The following MGAT3 variants were observed in gnomAD, a reference collection of about 807,000 sequenced individuals.
The protein encoded by MGAT3 is beta-1,4-mannosyl-glycoprotein 4-beta-N-acetylglucosaminyltransferase, also known as GlcNAc-T III.
Under a neutral mutation model 29.8 loss-of-function variants are expected in MGAT3, and 9 were observed. That is an observed-to-expected ratio of 0.30 (90% CI 0.18 to 0.53). MGAT3 has a LOEUF of 0.53. MGAT3 is among the 20% of genes least tolerant of loss of function. The pLI is 0.96. For missense variants in MGAT3, 557 were observed against 769.5 expected (o/e 0.72, Z 3.27); for synonymous variants, 397 against 348.9 (o/e 1.14, Z -1.54).
At chr22:39,476,313 C>T (rs1407255508) in intron 1 of MGAT3, 2 of 152,438 alleles carry the variant, frequency 1.3e-5, no homozygotes, top group Non-Finnish European at 2.9e-5. Context: ...GGCCCAGACT[C>T]TCGTGGGTAT....
At chr22:39,483,023 A>C (rs1929171230) in intron 1 of MGAT3, among the ~76,000 whole-genome samples, 1 of 152,242 alleles carries the variant, frequency 6.6e-6, no homozygotes, top group Non-Finnish European at 1.5e-5. Context: ...CTTTACGCCA[A>C]GCAGGCTGTT....
At chr22:39,473,079 G>A (rs191310555) in intron 1 of MGAT3, among the ~76,000 whole-genome samples, 2 of 152,226 alleles carry the variant, frequency 1.3e-5, no homozygotes, top group African/African-American at 2.4e-5. Context: ...AGTGGGAGGC[G>A]GATGTCCACA....
rs1458299592 is a variant in MGAT3, at chr22:39,458,425, A to G, written c.-2+868A>G. ...GGATTCCTCCCTGGTTCCCCACTTC[A>G]TTCCTGGGACACACCAGTCCAGATT... On this transcript the variant is annotated intron_variant, in intron 1 of 1. Coordinates refer to ENST00000341184, the MANE Select transcript of MGAT3 (RefSeq NM_002409.5). Among the ~76,000 whole-genome samples the G allele has an allele frequency of 2.6e-5, 4 of 152,032 alleles. No individual in the cohort carries two copies. In the East Asian group the frequency reaches 7.7e-4, roughly 29 times the overall value.
In MGAT3 at chr22:39,462,533, T is replaced by C. The variant is rs74438204; in HGVS notation, c.-2+4976T>C. 1.8e-3 allele frequency among the ~76,000 whole-genome samples: 281 copies of C among 152,306 alleles called. 1 individual carries two copies. Among genetic ancestry groups the C allele is most frequent in the Middle Eastern group, 0.01 (3 of 292 alleles). On this transcript the variant is annotated intron_variant, in intron 1 of 1. Coordinates refer to ENST00000341184, the MANE Select transcript of MGAT3 (RefSeq NM_002409.5). ...GACCCTCCAGAGGGCAGCCTCACAC[T>C]ACAGAGGGAGGGTACAGGGACCTGC...
chr22:39,470,170 C>G (rs183743683), intron 1 of MGAT3, among the ~76,000 whole-genome samples: 24 of 152,278 alleles, frequency 1.6e-4, no homozygotes, highest in African/African-American at 5.5e-4. Context: ...GCGGGGCAGA[C>G]GTAAACAACA....
intron 1 of MGAT3, chr22:39,476,803 C>A (rs1403291173): frequency 6.6e-6 from 1 of 152,218 alleles, no homozygotes; most frequent in Non-Finnish European, 1.5e-5. Context: ...ATATCTGCGT[C>A]CCCGATGACC....
intron 1 of MGAT3, among the ~76,000 whole-genome samples, chr22:39,462,840 G>A (rs1276679753): frequency 4.6e-5 from 7 of 152,182 alleles, no homozygotes; most frequent in South Asian, 2.1e-4. Flanking sequence ...CCTAATTACC[G>A]TATTGTTTAT....
chr22:39,479,757 G>A (rs1452764191), intron 1 of MGAT3, among the ~76,000 whole-genome samples: 1 of 152,246 alleles, frequency 6.6e-6, no homozygotes, highest in African/African-American at 2.4e-5. Flanking sequence ...AGATAGGAGT[G>A]GCAGAGCTGG....
chr22:39,475,041 C>T (rs916666107), intron 1 of MGAT3, among the ~76,000 whole-genome samples: 3 of 150,978 alleles, frequency 2.0e-5, no homozygotes, highest in Admixed American at 6.6e-5. Flanking sequence ...GCTTGTGGTG[C>T]GGCCTTCACC....
At chr22:39,476,122 A>G (rs2413593) in intron 1 of MGAT3, among the ~76,000 whole-genome samples, 90,420 of 148,738 alleles carry the variant, frequency 0.61, 28,054 homozygotes, top group East Asian at 0.99. Flanking sequence ...GGCAGCCTGC[A>G]GGGAGCTGGG....
chr22:39,460,831 G>C, intron 1 of MGAT3, among the ~76,000 whole-genome samples: 1 of 151,980 alleles, frequency 6.6e-6, no homozygotes, highest in East Asian at 1.9e-4. Context: ...AATGGGGGTG[G>C]GGTGCACTGT....
Position 39,491,333 on chromosome 22 carries a change from AGAGGTGGCTCAAACACTC to A in MGAT3, c.*2386_*2403del, listed in dbSNP as rs1185606949. The A allele has an allele frequency of 1.2e-5, 2 of 167,450 alleles. No homozygotes were observed. The highest frequency in any genetic ancestry group is 4.8e-5 in the African/African-American group (2 of 41,428). 10.4% of individuals were successfully genotyped at this position (167,450 alleles called of 1,614,324 possible). A position where few individuals can be genotyped will look rare whatever the true frequency, so the allele number is the denominator to read the frequency against. Reference sequence around the variant, plus strand: ...TCCTTTCTGTTTGCTCTTGGGGCTGAGAGGTGGCTCAAACACTCGGGGTCCCTATGGCTCTGGGTCAAT... The same window carrying A: ...TCCTTTCTGTTTGCTCTTGGGGCTGAGGGGTCCCTATGGCTCTGGGTCAAT... On this transcript the variant is annotated 3_prime_UTR_variant, in exon 2 of 2. Coordinates refer to ENST00000341184, the MANE Select transcript of MGAT3 (RefSeq NM_002409.5). This position sits in a 1 kb window ranked among gnomAD's most constrained non-coding sequence, Gnocchi z 5.5.
In MGAT3 at chr22:39,488,941, G is replaced by A; in HGVS notation, c.1594G>A (p.Glu532Lys). Reference protein sequence around the residue: ...PPARGKLDEAEV With the variant: ...PPARGKLDEAKV ...CGCCCGGGGCAAACTGGACGAGGCG[G>A]AAGTCTAGAGCTGCATGATCTGATA... The change falls in exon 2 of 2, where the codon GAA (glutamate) becomes AAA (lysine). Residue 532 changes from glutamate to lysine, a missense_variant. By Grantham distance (56) the Glu-to-Lys change is moderately conservative (BLOSUM62 1). This residue lies in a region of MGAT3 where 102 missense variants were observed against 97.0 expected (regional missense o/e 1.05). Coordinates refer to ENST00000341184, the MANE Select transcript of MGAT3 (RefSeq NM_002409.5). The A allele has an allele frequency of 6.2e-7, 1 of 1,605,006 alleles. No individual in the cohort carries two copies. Among genetic ancestry groups the A allele is most frequent in the Non-Finnish European group, 8.5e-7 (1 of 1,176,434 alleles).
At chr22:39,463,047 G>T (rs73885224) in intron 1 of MGAT3, among the ~76,000 whole-genome samples, 1 of 152,234 alleles carries the variant, frequency 6.6e-6, no homozygotes, top group African/African-American at 2.4e-5. Flanking sequence ...GAGGGAGGCC[G>T]GCCCGAGTGG....
At chr22:39,462,388 T>C (rs1455644846) in intron 1 of MGAT3, among the ~76,000 whole-genome samples, 1 of 152,186 alleles carries the variant, frequency 6.6e-6, no homozygotes, top group Admixed American at 6.5e-5. Flanking sequence ...TGCAGATGGA[T>C]GGATGAATGG....
rs779576587 is a variant in MGAT3, at chr22:39,487,322, T to C, written c.-1-25T>C. The C allele has an allele frequency of 1.3e-6, 2 of 1,597,506 alleles. No individual in the cohort carries two copies. Among genetic ancestry groups the C allele is most frequent in the Non-Finnish European group, 1.7e-6 (2 of 1,172,878 alleles). Reference sequence around the variant, plus strand: ...AAGGAGCCTGGGCTGCCCTGATGAGTCTCCTGTCTCTCTCTCTCCCGCAGG... The same window carrying C: ...AAGGAGCCTGGGCTGCCCTGATGAGCCTCCTGTCTCTCTCTCTCCCGCAGG... On this transcript the variant is annotated intron_variant, in intron 1 of 1. Coordinates refer to ENST00000341184, the MANE Select transcript of MGAT3 (RefSeq NM_002409.5). The surrounding 1 kb of genome is among the most constrained non-coding windows in gnomAD (Gnocchi z 5.7).
chr22:39,460,975 G>A (rs1928482176), intron 1 of MGAT3, among the ~76,000 whole-genome samples: 1 of 152,032 alleles, frequency 6.6e-6, no homozygotes, highest in Non-Finnish European at 1.5e-5. Context: ...ACGTGTCCCT[G>A]ATGTCTTCCT....
intron 1 of MGAT3, among the ~76,000 whole-genome samples, chr22:39,485,951 C>A (rs188666786): frequency 4.1e-4 from 63 of 152,244 alleles, no homozygotes; most frequent in Admixed American, 4.0e-3. Flanking sequence ...GTGATTTATT[C>A]ACAATAGCCA....
intron 1 of MGAT3, among the ~76,000 whole-genome samples, chr22:39,472,104 G>C (rs6519193): frequency 0.26 from 39,052 of 152,108 alleles, 7,219 homozygotes; most frequent in African/African-American, 0.52. Context: ...GGGGTGTTCT[G>C]CACACTGAGG....
Sources: allele counts gnomAD v4.1 joint callset (sites outside exome capture counted in the v4.1 genomes callset), GRCh38; gene constraint gnomAD v4.1.1; regional missense constraint gnomAD v4.1.1; non-coding constraint Gnocchi (gnomAD v3.1); transcripts MANE v1.5; gene names NCBI Gene and HGNC (gene_info 2026-07-23, HGNC 2026-07-21).